Variants in PCDHA4 observed in about 807,000 individuals in gnomAD.
PCDHA4 encodes the protein protocadherin alpha 4, also known as protocadherin alpha-4.
A neutral mutation model predicts 61.4 loss-of-function variants in PCDHA4; 49 were observed. That is an observed-to-expected ratio of 0.80 (90% confidence interval 0.63 to 1.01). The LOEUF is 1.01. Among genes scored for constraint, PCDHA4 ranks in the 50% least tolerant of loss-of-function variants. The pLI, the probability that PCDHA4 is intolerant of heterozygous loss-of-function variation, is 0.00. For synonymous variants in PCDHA4, 590 were observed against 550.3 expected, an observed-to-expected ratio of 1.07 and a Z score of -1.01; for missense variants, 1,254 against 1,235.8, an observed-to-expected ratio of 1.01 and a Z score of -0.22.
intron 1 of PCDHA4, among the ~76,000 whole-genome samples, chr5:140,925,937 C>T (rs1244990026): frequency 1.4e-5 from 2 of 138,450 alleles, no homozygotes; most frequent in East Asian, 3.9e-4. Flanking sequence ...AGTAGAGCCT[C>T]TTGGAGAAGG....
intron 1 of PCDHA4, chr5:140,869,866 G>A (rs1165429955): frequency 1.9e-6 from 3 of 1,610,400 alleles, no homozygotes; most frequent in Non-Finnish European, 1.7e-6. Flanking sequence ...TATGGAAAAT[G>A]CTGCTAAAGA....
intron 1 of PCDHA4, among the ~76,000 whole-genome samples, chr5:140,900,706 A>G (rs1279378955): frequency 6.6e-6 from 1 of 152,154 alleles, no homozygotes; most frequent in Admixed American, 6.5e-5. Flanking sequence ...GTTCTTTTGG[A>G]AAGAAAGGAA....
At chr5:140,811,298 G>A (rs544092500) in intron 1 of PCDHA4, 2 of 152,334 alleles carry the variant, frequency 1.3e-5, no homozygotes, top group East Asian at 3.9e-4. Flanking sequence ...TCAGAATGAC[G>A]GTTTCCAGCT....
rs139246881 is a variant in PCDHA4, at chr5:140,834,444, C to A, written c.2385+24872C>A. 16 of 1,613,902 alleles carry A rather than the reference C, an allele frequency of 9.9e-6. No individual in the cohort carries two copies. The African/African-American group carries it at 2.1e-4, about 22-fold the overall frequency. On this transcript the variant is annotated intron_variant, in intron 1 of 3. Coordinates refer to ENST00000530339, the MANE Select transcript of PCDHA4 (RefSeq NM_018907.4). ...ACATCTACTGCTGTTTATTATAATT[C>A]TAGCAGCTTGGGAGGCAGGGAGAGG... is the stretch of plus-strand genomic sequence containing the variant.
At position 140,808,902 on chromosome 5, in the gene PCDHA4, G is replaced by C; in HGVS notation, c.1715G>C (p.Gly572Ala). 6.2e-7 allele frequency: 1 copy of C among 1,613,452 alleles called. No homozygotes were observed. The highest frequency in any genetic ancestry group is 8.5e-7 in the Non-Finnish European group (1 of 1,179,856). The change falls in exon 1 of 4, where the codon GGC (glycine) becomes GCC (alanine). Residue 572 changes from glycine (G) to alanine (A), a missense_variant. By Grantham distance (60) the Gly-to-Ala change is moderately conservative. Coordinates refer to ENST00000530339, the MANE Select transcript of PCDHA4 (RefSeq NM_018907.4). ...APALLAPRAG[G>A]TGGAVSELVP... Reference sequence around the variant, plus strand: ...GCACTGCTAGCGCCTCGGGCGGGTGGCACTGGTGGCGCAGTGAGCGAGCTG... The same window carrying C: ...GCACTGCTAGCGCCTCGGGCGGGTGCCACTGGTGGCGCAGTGAGCGAGCTG...
At chr5:140,870,390 G>T (rs377600629) in intron 1 of PCDHA4, 248 of 1,614,112 alleles carry the variant, frequency 1.5e-4, no homozygotes, top group Non-Finnish European at 1.8e-4. Context: ...CGCGGGATGG[G>T]GGTTCGCCTT....
Position 140,829,198 on chromosome 5 carries a change from C to A in PCDHA4, c.2385+19626C>A, listed in dbSNP as rs2150163699. On this transcript the variant is annotated intron_variant, in intron 1 of 3. Transcript: ENST00000530339. ...AAGACGCTCAATTTGGTACTGTCATCGCCCTAATTAGCGTGAACGACCTCG... is the reference window on the plus strand; with the variant it reads ...AAGACGCTCAATTTGGTACTGTCATAGCCCTAATTAGCGTGAACGACCTCG... The A allele has an allele frequency of 1.6e-5, 26 of 1,614,214 alleles. No individual in the cohort carries two copies. In the Admixed American group the frequency reaches 2.2e-4, roughly 13 times the overall value.
At chr5:140,976,871 A>G (rs2096735171) in intron 1 of PCDHA4, among the ~76,000 whole-genome samples, 2 of 152,224 alleles carry the variant, frequency 1.3e-5, no homozygotes, top group Non-Finnish European at 2.9e-5. Flanking sequence ...TGTCTGACAA[A>G]GAAAGAATTA....
intron 1 of PCDHA4, among the ~76,000 whole-genome samples, chr5:140,878,776 T>C (rs1437840291): frequency 2.0e-5 from 3 of 152,226 alleles, no homozygotes; most frequent in Non-Finnish European, 4.4e-5. Flanking sequence ...TGGAATATAG[T>C]ATATGTTCAA....
rs2150116611 is a variant in PCDHA4 at position 140,822,468 on chromosome 5, A to G, written c.2385+12896A>G. On this transcript the variant is annotated intron_variant, in intron 1 of 3. Coordinates refer to ENST00000530339, the MANE Select transcript of PCDHA4 (RefSeq NM_018907.4). Reference sequence around the variant, plus strand: ...GTACAGTTCAGTTGTTGATCAATGTATTGGATGCTAATGATAACGCCCCAG... The same window carrying G: ...GTACAGTTCAGTTGTTGATCAATGTGTTGGATGCTAATGATAACGCCCCAG... 11 of 1,613,676 alleles carry G rather than the reference A, an allele frequency of 6.8e-6. No individual in the cohort carries two copies. The African/African-American group carries it at 1.5e-4, about 22-fold the overall frequency.
intron 3 of PCDHA4, chr5:140,988,966 GGA>G (rs1339632887): frequency 2.0e-5 from 3 of 152,162 alleles, no homozygotes; most frequent in African/African-American, 7.2e-5. Flanking sequence ...GCCCCACGAT[GGA>G]GAGAAGCAGG....
At chr5:140,908,933 C>T (rs1554193565) in intron 1 of PCDHA4, among the ~76,000 whole-genome samples, 1 of 152,186 alleles carries the variant, frequency 6.6e-6, no homozygotes, top group East Asian at 1.9e-4. Context: ...AATGCAGCAA[C>T]TTATCCTTCA....
At position 140,894,452 on chromosome 5, in the gene PCDHA4, A is replaced by G. The variant is rs555452172; in HGVS notation, c.2386-84497A>G. On this transcript the variant is annotated intron_variant, in intron 1 of 3. Coordinates refer to ENST00000530339, the MANE Select transcript of PCDHA4 (RefSeq NM_018907.4). ...ATCCTACCTAGCTCTTTTTTAAAAA[A>G]TATTTTACTTTTTATTCTTGTTTTC... 3.9e-5 allele frequency among the ~76,000 whole-genome samples: 6 copies of G among 152,050 alleles called. No homozygotes were observed. In the East Asian group the frequency reaches 9.6e-4, roughly 24 times the overall value.
At chr5:140,862,348 C>T (rs1404239338) in intron 1 of PCDHA4, 1 of 336,670 alleles carries the variant, frequency 3.0e-6, no homozygotes, top group Non-Finnish European at 5.9e-6. Context: ...ACTTCAGTGC[C>T]AAGGGACAGA....
chr5:140,897,457 C>T (rs1173344812), intron 1 of PCDHA4, among the ~76,000 whole-genome samples: 11 of 151,186 alleles, frequency 7.3e-5, no homozygotes, highest in East Asian at 1.9e-4. Context: ...TTTGTCCTTG[C>T]GATAGTTTAC....
intron 1 of PCDHA4, among the ~76,000 whole-genome samples, chr5:140,975,638 C>T (rs1256768090): frequency 6.6e-6 from 1 of 152,130 alleles, no homozygotes; most frequent in Non-Finnish European, 1.5e-5. Context: ...ACGAAGATAG[C>T]ATATTATTTC....
chr5:140,968,080 G>A (rs782815703), intron 1 of PCDHA4: 14 of 1,614,102 alleles, frequency 8.7e-6, no homozygotes, highest in Middle Eastern at 1.7e-4. Context: ...ACAACATCAC[G>A]GTGACAGCCA....
intron 1 of PCDHA4, chr5:140,850,811 C>T: frequency 6.3e-7 from 1 of 1,598,320 alleles, no homozygotes; most frequent in Non-Finnish European, 8.6e-7. Flanking sequence ...TCATGGCCTT[C>T]AGCCCGGGCC....
At position 140,842,873 on chromosome 5, in the gene PCDHA4, T is replaced by A. The variant is rs2150346910; in HGVS notation, c.2385+33301T>A. On this transcript the variant is annotated intron_variant, in intron 1 of 3. Coordinates refer to ENST00000530339, the MANE Select transcript of PCDHA4 (RefSeq NM_018907.4). Reference sequence around the variant, plus strand: ...GGTGCACACGGAGAGCGGCAAGGTGTACGCGCTGCAGCCGCTGGACCACGA... The same window carrying A: ...GGTGCACACGGAGAGCGGCAAGGTGAACGCGCTGCAGCCGCTGGACCACGA... 38 of 1,593,718 alleles carry A rather than the reference T, an allele frequency of 2.4e-5. 5 individuals carry two copies. The highest frequency in any genetic ancestry group is 2.3e-4 in the African/African-American group (17 of 74,220).
Sources: allele counts gnomAD v4.1 joint callset (sites outside exome capture counted in the v4.1 genomes callset), GRCh38; gene constraint gnomAD v4.1.1; transcripts MANE v1.5; gene names NCBI Gene and HGNC (gene_info 2026-07-23, HGNC 2026-07-21).